MDC1: variants seen among roughly 807,000 people sequenced by gnomAD.
The protein encoded by MDC1 is mediator of DNA damage checkpoint protein 1.
Under a neutral mutation model 142.5 loss-of-function variants are expected in MDC1, and 81 were observed. That is an observed-to-expected ratio of 0.57 (90% confidence interval 0.47 to 0.68). The LOEUF is 0.68. MDC1 is among the 30% of genes least tolerant of loss of function. The probability of loss-of-function intolerance (pLI) is 0.00; values close to 1 mark genes in which losing one functional copy is unlikely to be tolerated. For synonymous variants in MDC1, 797 were observed against 968.4 expected (o/e 0.82, Z 3.29); for missense variants, 2,119 against 2,547.9 (o/e 0.83, Z 3.62).
Position 30,716,881 on chromosome 6 carries a change from C to G in MDC1, c.-4+364G>C. 1 of 982,608 alleles carries G rather than the reference C, an allele frequency of 1.0e-6. No homozygotes were observed. The highest frequency in any genetic ancestry group is 1.2e-6 in the Non-Finnish European group (1 of 827,380). 60.9% of individuals were successfully genotyped at this position (982,608 alleles called of 1,614,324 possible). ...AAGAAAATAGCATAAATGGAATTCACCTGAAAATATGCCACTCTAGAGGGA... is the reference window on the plus strand; with the variant it reads ...AAGAAAATAGCATAAATGGAATTCAGCTGAAAATATGCCACTCTAGAGGGA... On this transcript the variant is annotated intron_variant, in intron 1 of 14. Transcript: ENST00000376406. This position sits in a 1 kb window ranked among gnomAD's most constrained non-coding sequence, Gnocchi z 4.4.
Position 30,714,020 on chromosome 6 carries a change from G to A in MDC1, c.300C>T (p.Ile100=). 1 of 1,612,986 alleles carries A rather than the reference G, an allele frequency of 6.2e-7. No individual in the cohort carries two copies. Among genetic ancestry groups the A allele is most frequent in the Non-Finnish European group, 8.5e-7 (1 of 1,180,012 alleles). ...GGCTCAAAACCTTAGGAGGTCTCAG[G>A]ATTTGAGTACCATTAAGGCTCCCAC... ...RDCGSLNGTQ[I]LRPPKVLSPG... is the part of the protein sequence containing the mutation. Residue 100 remains isoleucine (I), a synonymous_variant, in exon 3 of 15, where the codon ATC becomes ATT. Coordinates refer to ENST00000376406, the MANE Select transcript of MDC1 (RefSeq NM_014641.3).
Position 30,713,619 on chromosome 6 carries a change from A to G in MDC1, c.587+29T>C. 1.9e-6 allele frequency: 3 copies of G among 1,601,554 alleles called. No homozygotes were observed. The highest frequency in any genetic ancestry group is 2.6e-6 in the Non-Finnish European group (3 of 1,170,234). ...CCCCTGGTTCTTCCTCATTTTGAAG[A>G]CTCAGGTGTCTGACTCTTTGGCACT... is the stretch of plus-strand genomic sequence containing the variant. On this transcript the variant is annotated intron_variant, in intron 4 of 14. Transcript: ENST00000376406. This position sits in a 1 kb window ranked among gnomAD's most constrained non-coding sequence, Gnocchi z 4.9.
chr6:30,702,650 T>C lies in MDC1; in HGVS notation c.6005A>G (p.Tyr2002Cys), dbSNP rs896771223. The C allele has an allele frequency of 8.1e-6, 13 of 1,610,996 alleles. No homozygotes were observed. Among genetic ancestry groups the C allele is most frequent in the Non-Finnish European group, 1.0e-5 (12 of 1,179,118 alleles). ...TGGTGGCTGGACTCCAGGGGTCACA[T>C]AGATCTCATAGCCCTAAGAGAAAGA... is the stretch of plus-strand genomic sequence containing the variant. The part of the protein sequence containing the change: ...ERRLLEGYEI[Y>C]VTPGVQPPPP... The change falls in exon 14 of 15, where the codon TAT (tyrosine) becomes TGT (cysteine). Residue 2002 changes from tyrosine (Y) to cysteine (C), a missense_variant. Coordinates refer to ENST00000376406, the MANE Select transcript of MDC1 (RefSeq NM_014641.3).
chr6:30,704,018 T>C lies in MDC1; in HGVS notation c.5165A>G (p.Lys1722Arg). The C allele has an allele frequency of 1.2e-6, 2 of 1,614,222 alleles. No homozygotes were observed. Among genetic ancestry groups the C allele is most frequent in the Non-Finnish European group, 1.7e-6 (2 of 1,180,046 alleles). The change falls in exon 10 of 15, where the codon AAG becomes AGG. Residue 1722 changes from lysine to arginine, a missense_variant. Coordinates refer to ENST00000376406, the MANE Select transcript of MDC1 (RefSeq NM_014641.3). ...AGGGTTCCCAGCGGCTCTCTGCCTC[T>C]TGATGCAACTGGGTTGAGTAATAGG... Reference protein sequence around the residue: ...PEPITQPSCIKRQRAAGNPGS... With the variant: ...PEPITQPSCIRRQRAAGNPGS...
Position 30,705,306 on chromosome 6 carries a change from G to A in MDC1, c.3877C>T (p.Pro1293Ser). The change falls in exon 10 of 15, where the codon CCT becomes TCT. Residue 1293 changes from proline (P) to serine (S), a missense_variant. Coordinates refer to ENST00000376406, the MANE Select transcript of MDC1 (RefSeq NM_014641.3). ...ACAGGTCGGTCTGTGGAGGTGGAAG[G>A]CCGGAGCTCAGGGGCTGTGGGCACA... Reference protein sequence around the residue: ...PVVPTAPELRPSTSTDRPVTP... With the variant: ...PVVPTAPELRSSTSTDRPVTP... 1.9e-6 allele frequency: 3 copies of A among 1,602,022 alleles called. No homozygotes were observed. The highest frequency in any genetic ancestry group is 2.6e-6 in the Non-Finnish European group (3 of 1,175,212).
Position 30,711,951 on chromosome 6 carries a change from T to C in MDC1, c.1991A>G (p.Glu664Gly). 1.3e-6 allele frequency: 2 copies of C among 1,565,242 alleles called. No homozygotes were observed. Among genetic ancestry groups the C allele is most frequent in the Non-Finnish European group, 1.7e-6 (2 of 1,158,016 alleles). Residue 664 changes from glutamate to glycine, a missense_variant, in exon 5 of 15, where the codon GAG (glutamate) becomes GGG (glycine). Physicochemically the swap from Glu to Gly is moderately conservative, Grantham distance 98. Coordinates refer to ENST00000376406, the MANE Select transcript of MDC1 (RefSeq NM_014641.3). Reference sequence around the variant, plus strand: ...CCTTCCTGTGGGGACCTGGGCTCCCTCTCTCTGTGGCTGGGTGGATTCCCC... The same window carrying C: ...CCTTCCTGTGGGGACCTGGGCTCCCCCTCTCTGTGGCTGGGTGGATTCCCC... ...TLGESTQPQR[E>G]GAQVPTGRER...
chr6:30,712,256 C>A lies in MDC1; in HGVS notation c.1686G>T (p.Leu562=), dbSNP rs772036251. 2 of 1,613,064 alleles carry A rather than the reference C, an allele frequency of 1.2e-6. No homozygotes were observed. The highest frequency in any genetic ancestry group is 1.3e-5 in the African/African-American group (1 of 75,074). The change falls in exon 5 of 15, where the codon CTG becomes CTT. Residue 562 remains leucine (L), a synonymous_variant. Transcript: ENST00000376406. The surrounding 1 kb of genome is among the most constrained non-coding windows in gnomAD (Gnocchi z 4.7). ...DVKAVGGPAK[L]LVVSLEEAWP... ...AGGCTTCCTCTAGAGATACCACAAG[C>A]AGCTTTGCTGGTCCCCCAACTGCTT...
intron 14 of MDC1, among the ~76,000 whole-genome samples, chr6:30,701,029 C>T (rs1402936549): frequency 6.1e-5 from 9 of 146,782 alleles, no homozygotes; most frequent in African/African-American, 2.3e-4. Flanking sequence ...GAGCCGAGAT[C>T]GCGCCACTGC....
chr6:30,711,375 G>T (rs1774857519), intron 7 of MDC1, 37 bp downstream of exon 7: 2 of 1,555,330 alleles, frequency 1.3e-6, no homozygotes, highest in Admixed American at 1.7e-5. Context: ...AGAGAATGCA[G>T]AATTGGGGAC....
rs1775740407 is a variant in MDC1 at position 30,716,946 on chromosome 6, A to G, written c.-4+299T>C. On this transcript the variant is annotated intron_variant, in intron 1 of 14. Transcript: ENST00000376406. This position sits in a 1 kb window ranked among gnomAD's most constrained non-coding sequence, Gnocchi z 4.4. ...AGGGAAAGTAGGATGCCCCATGGAT[A>G]AAGTGTCAACTCCGTCTTTATGACA... 2 of 984,248 alleles carry G rather than the reference A, an allele frequency of 2.0e-6. No homozygotes were observed. The highest frequency in any genetic ancestry group is 3.5e-5 in the African/African-American group (2 of 57,194). 61.0% of individuals were successfully genotyped at this position (984,248 alleles called of 1,614,324 possible).
At chr6:30,708,601 C>T (rs998122982) in intron 7 of MDC1, among the ~76,000 whole-genome samples, 4 of 152,002 alleles carry the variant, frequency 2.6e-5, no homozygotes, top group African/African-American at 9.7e-5. Context: ...GACATGTAAT[C>T]CCAGGACTTT....
At position 30,702,824 on chromosome 6, in the gene MDC1, A is replaced by G. The variant is rs1772999686; in HGVS notation, c.5919T>C (p.Pro1973=). The part of the protein sequence containing the change: ...LPPDEYVVTD[P]EQEKNFGFSL... The stretch of plus-strand genomic sequence containing the variant: ...TAAAGCCAAAGTTCTTCTCTTGCTC[A>G]GGGTCGGTCACCACATATTCATCCG... The change falls in exon 13 of 15, where the codon CCT becomes CCC. Residue 1973 remains proline (P), a synonymous_variant. Coordinates refer to ENST00000376406, the MANE Select transcript of MDC1 (RefSeq NM_014641.3). 6.2e-7 allele frequency: 1 copy of G among 1,613,144 alleles called. No homozygotes were observed. The highest frequency in any genetic ancestry group is 1.1e-5 in the South Asian group (1 of 91,088).
In MDC1 at chr6:30,705,862, A is replaced by T; in HGVS notation, c.3321T>A (p.Ile1107=). The change falls in exon 10 of 15, where the codon ATT becomes ATA. Residue 1107 remains isoleucine (I), a synonymous_variant. Transcript: ENST00000376406. Reference sequence around the variant, plus strand: ...TCATTCTGGAGGACTTCCGAGTTCTAATTTTAGGCTTTGGGTGGAAAGGCT... The same window carrying T: ...TCATTCTGGAGGACTTCCGAGTTCTTATTTTAGGCTTTGGGTGGAAAGGCT... The part of the protein sequence containing the change: ...ELEPFHPKPK[I]RTRKSSRMTP... The T allele has an allele frequency of 6.2e-7, 1 of 1,610,722 alleles. No individual in the cohort carries two copies. The highest frequency in any genetic ancestry group is 8.5e-7 in the Non-Finnish European group (1 of 1,178,366).
rs1562090944 is a variant in MDC1, at chr6:30,704,974, G to C, written c.4209C>G (p.Thr1403=). Residue 1403 remains threonine (T), a synonymous_variant, in exon 10 of 15, where the codon ACC becomes ACG. Coordinates refer to ENST00000376406, the MANE Select transcript of MDC1 (RefSeq NM_014641.3). ...GGGCTGTGGGGACAAGTGTTTCAGGGGTCTTGCCAGAGGATCTATTTTTTC... is the reference window on the plus strand; with the variant it reads ...GGGCTGTGGGGACAAGTGTTTCAGGCGTCTTGCCAGAGGATCTATTTTTTC... ...RGRKNRSSGK[T]PETLVPTAPK... The C allele has an allele frequency of 1.9e-6, 3 of 1,605,032 alleles. No homozygotes were observed. The highest frequency in any genetic ancestry group is 1.7e-6 in the Non-Finnish European group (2 of 1,176,778).
At chr6:30,708,723 G>A (rs1030244777) in intron 7 of MDC1, among the ~76,000 whole-genome samples, 3 of 151,674 alleles carry the variant, frequency 2.0e-5, no homozygotes, top group Non-Finnish European at 4.4e-5. Context: ...GTGGGGACGG[G>A]GACCTGTAGT....
At position 30,702,886 on chromosome 6, in the gene MDC1, G is replaced by A. The variant is rs773783519; in HGVS notation, c.5866-9C>T. On this transcript the variant is annotated splice_polypyrimidine_tract_variant and intron_variant, in intron 12 of 14. Transcript: ENST00000376406. ...AAACCAGCCTTGCGGGACTAAGGAC[G>A]GCAGCAGTCAGCATCAAAGCTCAGC... is the stretch of plus-strand genomic sequence containing the variant. The A allele has an allele frequency of 4.3e-6, 7 of 1,612,780 alleles. No homozygotes were observed. Among genetic ancestry groups the A allele is most frequent in the South Asian group, 1.1e-5 (1 of 91,084 alleles).
rs755122873 is a variant in MDC1, at chr6:30,700,461, G to A, written c.*4C>T. ...GTCTGGGAGGGAAAAGGGTAGTGGA[G>A]TTCTCAGGTGGATGACATCTCCAAA... On this transcript the variant is annotated 3_prime_UTR_variant, in exon 15 of 15. Transcript: ENST00000376406. The A allele has an allele frequency of 7.1e-5, 115 of 1,611,182 alleles. No homozygotes were observed. Among genetic ancestry groups the A allele is most frequent in the Non-Finnish European group, 9.8e-5 (115 of 1,178,638 alleles).
Position 30,711,987 on chromosome 6 carries a change from G to A in MDC1, c.1955C>T (p.Thr652Ile). 3.8e-6 allele frequency: 6 copies of A among 1,597,566 alleles called. No homozygotes were observed. Among genetic ancestry groups the A allele is most frequent in the Non-Finnish European group, 5.1e-6 (6 of 1,172,466 alleles). ...CTGGGTGGATTCCCCTAGAGTGTCTGTGTCCACCACCAGATCTGTGAGGTT... is the reference window on the plus strand; with the variant it reads ...CTGGGTGGATTCCCCTAGAGTGTCTATGTCCACCACCAGATCTGTGAGGTT... ...RENLTDLVVD[T>I]DTLGESTQPQ... The change falls in exon 5 of 15, where the codon ACA (threonine) becomes ATA (isoleucine). Residue 652 changes from threonine to isoleucine, a missense_variant. Coordinates refer to ENST00000376406, the MANE Select transcript of MDC1 (RefSeq NM_014641.3).
At position 30,705,382 on chromosome 6, in the gene MDC1, C is replaced by G; in HGVS notation, c.3801G>C (p.Gln1267His). The change falls in exon 10 of 15, where the codon CAG (glutamine) becomes CAC (histidine). Residue 1267 changes from glutamine (Q) to histidine (H), a missense_variant. Gln to His is a conservative substitution (Grantham distance 24). Transcript: ENST00000376406. ...DQPVTSEPTY[Q>H]ATRGRKNRSS... is the part of the protein sequence containing the mutation. ...ATCTATTTTTTCTTCCCCTAGTAGC[C>G]TGATATGTGGGCTCAGAAGTGACAG... is the stretch of plus-strand genomic sequence containing the variant. The G allele has an allele frequency of 6.3e-7, 1 of 1,599,832 alleles. No individual in the cohort carries two copies. The highest frequency in any genetic ancestry group is 8.5e-7 in the Non-Finnish European group (1 of 1,174,686).
Sources: gnomAD v4.1 joint callset for allele counts (sites outside exome capture counted in the v4.1 genomes callset) on GRCh38, gnomAD v4.1.1 for gene constraint, Gnocchi (gnomAD v3.1) non-coding constraint, MANE v1.5 for transcripts, NCBI Gene and HGNC (gene_info 2026-07-23, HGNC 2026-07-21) for gene names.